The following ATP8A2 variants were observed in gnomAD, a reference collection of about 807,000 sequenced individuals.
ATP8A2 encodes ATPase phospholipid transporting 8A2, also known as phospholipid-transporting ATPase IB.
ATP8A2 carries 100 observed loss-of-function variants against 165.6 expected under a neutral mutation model. That is an observed-to-expected ratio of 0.60 (90% CI 0.51 to 0.71). The LOEUF (loss-of-function observed/expected upper bound fraction) is 0.71, where lower values mean the gene tolerates loss of function less well. Ranked by LOEUF, ATP8A2 falls within the 30% of genes least tolerant of loss-of-function variation. ATP8A2 has a pLI of 0.00. For missense variants in ATP8A2, 1,227 were observed against 1,479.5 expected (o/e 0.83, Z 2.80); for synonymous variants, 543 against 548.8 (o/e 0.99, Z 0.15).
At chr13:25,837,076 A>T (rs1300683046) in intron 28 of ATP8A2, 87 bp from the exon 29 acceptor site, 2 of 1,515,290 alleles carry the variant, frequency 1.3e-6, no homozygotes, top group Non-Finnish European at 9.0e-7. Context: ...ACTTGACTGG[A>T]AGTGAAGTCA....
chr13:26,011,143 T>C (rs1956837941), intron 35 of ATP8A2, among the ~76,000 whole-genome samples: 1 of 151,830 alleles, frequency 6.6e-6, no homozygotes, highest in South Asian at 2.1e-4. Context: ...GTAAGGGGGG[T>C]CTGTATTTGT....
chr13:25,470,236 T>C (rs1009134960), intron 2 of ATP8A2, among the ~76,000 whole-genome samples: 7 of 151,992 alleles, frequency 4.6e-5, no homozygotes, highest in African/African-American at 1.7e-4. Flanking sequence ...ATTAAAGGAG[T>C]GTTAGATTAT....
chr13:25,745,384 G>A (rs1416880650), intron 25 of ATP8A2, among the ~76,000 whole-genome samples: 1 of 152,212 alleles, frequency 6.6e-6, no homozygotes, highest in Admixed American at 6.5e-5. Context: ...TCAATGGGAA[G>A]TGGCGTGCTC....
intron 24 of ATP8A2, among the ~76,000 whole-genome samples, chr13:25,623,775 A>C (rs1212182198): frequency 1.3e-5 from 2 of 152,126 alleles, no homozygotes; most frequent in African/African-American, 2.4e-5. Context: ...GTGTATATAT[A>C]CACATGCATA....
intron 33 of ATP8A2, among the ~76,000 whole-genome samples, chr13:25,959,332 T>C (rs1955602988): frequency 6.6e-6 from 1 of 152,244 alleles, no homozygotes; most frequent in Non-Finnish European, 1.5e-5. Flanking sequence ...CTGGTTTCCA[T>C]ATACCGTTCC....
At chr13:25,854,254 A>G (rs1269964792) in intron 30 of ATP8A2, among the ~76,000 whole-genome samples, 1 of 152,204 alleles carries the variant, frequency 6.6e-6, no homozygotes, top group Non-Finnish European at 1.5e-5. Context: ...ACCGCTGTTT[A>G]TCTACATACT....
chr13:25,443,585 G>A (rs532336030), intron 1 of ATP8A2, among the ~76,000 whole-genome samples: 24 of 152,270 alleles, frequency 1.6e-4, no homozygotes, highest in Admixed American at 3.9e-4. Context: ...TGTTATACAC[G>A]CCTATCATGA....
chr13:25,751,041 A>G (rs2044143936), intron 25 of ATP8A2, among the ~76,000 whole-genome samples: 1 of 152,130 alleles, frequency 6.6e-6, no homozygotes, highest in Admixed American at 6.5e-5. Flanking sequence ...GGTGGACAAA[A>G]GCTCCATTTT....
Position 25,953,694 on chromosome 13 carries a change from C to A in ATP8A2, c.3184-7881C>A, listed in dbSNP as rs1955440387. Among the ~76,000 whole-genome samples the A allele has an allele frequency of 6.6e-6, 1 of 152,008 alleles. No homozygotes were observed. The highest frequency in any genetic ancestry group is 1.5e-5 in the Non-Finnish European group (1 of 68,024). On this transcript the variant is annotated intron_variant, in intron 33 of 36. Coordinates refer to ENST00000381655, the MANE Select transcript of ATP8A2 (RefSeq NM_016529.6). This position sits in a 1 kb window ranked among gnomAD's most constrained non-coding sequence, Gnocchi z 6.7. The stretch of plus-strand genomic sequence containing the variant: ...GACTGGTTAGATAGTGGGTGCAGCC[C>A]ACGGAGGGCAAGCCGAAGCAGGGTG...
chr13:25,804,769 C>T (rs554779553), intron 27 of ATP8A2, among the ~76,000 whole-genome samples: 2 of 152,220 alleles, frequency 1.3e-5, no homozygotes, highest in African/African-American at 4.8e-5. Flanking sequence ...TTGGGGACTT[C>T]TCAACTTAGT....
chr13:25,624,178 C>A (rs111778888), intron 24 of ATP8A2, among the ~76,000 whole-genome samples: 4 of 152,250 alleles, frequency 2.6e-5, no homozygotes, highest in African/African-American at 9.6e-5. Context: ...TTACACTTAA[C>A]TAGTTGACAT....
intron 25 of ATP8A2, among the ~76,000 whole-genome samples, chr13:25,709,460 C>A (rs2043116968): frequency 6.6e-6 from 1 of 152,168 alleles, no homozygotes; most frequent in Non-Finnish European, 1.5e-5. Context: ...TGCCTCTTTA[C>A]AGATGATTGA....
At chr13:25,470,101 T>G (rs2035801733) in intron 2 of ATP8A2, among the ~76,000 whole-genome samples, 1 of 152,202 alleles carries the variant, frequency 6.6e-6, no homozygotes. Flanking sequence ...GTTTAAGTAT[T>G]CCACTACTGC....
intron 1 of ATP8A2, among the ~76,000 whole-genome samples, chr13:25,446,796 A>C (rs771623938): frequency 3.9e-5 from 6 of 152,238 alleles, no homozygotes; most frequent in African/African-American, 1.4e-4. Flanking sequence ...AATGTCATAC[A>C]GAAGTCTTAG....
At chr13:25,487,513 A>G (rs967639913) in intron 2 of ATP8A2, among the ~76,000 whole-genome samples, 2 of 152,190 alleles carry the variant, frequency 1.3e-5, no homozygotes, top group African/African-American at 4.8e-5. Context: ...GAGGCACTTT[A>G]AACAGCACCT....
intron 33 of ATP8A2, among the ~76,000 whole-genome samples, chr13:25,907,005 G>A (rs567788117): frequency 6.6e-5 from 10 of 152,340 alleles, no homozygotes; most frequent in South Asian, 6.2e-4. Context: ...TGAAGCGGGC[G>A]GATCACTTGA....
chr13:25,870,269 C>T (rs1329722782), intron 33 of ATP8A2, among the ~76,000 whole-genome samples: 1 of 152,170 alleles, frequency 6.6e-6, no homozygotes, highest in Non-Finnish European at 1.5e-5. Context: ...TGTCTGCTGG[C>T]TAGGGTCTCG....
At chr13:25,682,467 T>C (rs2042512173) in intron 24 of ATP8A2, among the ~76,000 whole-genome samples, 1 of 152,184 alleles carries the variant, frequency 6.6e-6, no homozygotes. Flanking sequence ...ACAGTTCTCC[T>C]CATCTGTCAT....
intron 24 of ATP8A2, among the ~76,000 whole-genome samples, chr13:25,680,539 C>T (rs77077758): frequency 1.3e-5 from 2 of 152,280 alleles, no homozygotes; most frequent in African/African-American, 4.8e-5. Flanking sequence ...GAAACTGACA[C>T]CATGGCTCAA....
Sources: gnomAD v4.1 joint callset for allele counts (sites outside exome capture counted in the v4.1 genomes callset) on GRCh38, gnomAD v4.1.1 for gene constraint, Gnocchi (gnomAD v3.1) non-coding constraint, MANE v1.5 for transcripts, NCBI Gene and HGNC (gene_info 2026-07-23, HGNC 2026-07-21) for gene names.